The following TCF20 variants were observed in gnomAD, a reference collection of about 807,000 sequenced individuals.
TCF20 encodes the protein SPRE-binding protein.
Under a neutral mutation model 148.6 loss-of-function variants are expected in TCF20, and 3 were observed. The observed-to-expected ratio is 0.02, with a 90% confidence interval of 0.01 to 0.05. The LOEUF is 0.05. Among genes scored for constraint, TCF20 ranks in the 10% least tolerant of loss-of-function variants. The probability of loss-of-function intolerance (pLI) is 1.00; values close to 1 mark genes in which losing one functional copy is unlikely to be tolerated. For synonymous variants in TCF20, 1,049 were observed against 909.5 expected, an observed-to-expected ratio of 1.15 and a Z score of -2.76; for missense variants, 2,350 against 2,429.3, an observed-to-expected ratio of 0.97 and a Z score of 0.69.
chr22:42,257,498 C>T (rs115284250), intron 1 of TCF20, among the ~76,000 whole-genome samples: 146 of 152,190 alleles, frequency 9.6e-4, no homozygotes, highest in African/African-American at 3.3e-3. Context: ...CTCTAATATA[C>T]GGCTAGAGAT....
chr22:42,280,349 G>A (rs750049867), intron 1 of TCF20, among the ~76,000 whole-genome samples: 1 of 152,206 alleles, frequency 6.6e-6, no homozygotes, highest in Non-Finnish European at 1.5e-5. Flanking sequence ...GGGGCGTCCA[G>A]CCCCAGGCAG....
intron 1 of TCF20, among the ~76,000 whole-genome samples, chr22:42,252,726 A>G (rs149043621): frequency 0.017 from 2,600 of 152,326 alleles, 81 homozygotes; most frequent in African/African-American, 0.059. Flanking sequence ...TGTTGGGATT[A>G]CAGGTGTGAG....
chr22:42,330,905 G>A (rs1027335687), intron 1 of TCF20, among the ~76,000 whole-genome samples: 1 of 152,226 alleles, frequency 6.6e-6, no homozygotes, highest in Non-Finnish European at 1.5e-5. Context: ...CTGCTTCGCT[G>A]GTCTAAGGCT....
chr22:42,171,928 C>T (rs926216662), intron 3 of TCF20, among the ~76,000 whole-genome samples: 22 of 152,218 alleles, frequency 1.4e-4, no homozygotes, highest in African/African-American at 4.8e-4. Flanking sequence ...AGTTCCCTCA[C>T]GGCCACAGAA....
intron 1 of TCF20, among the ~76,000 whole-genome samples, chr22:42,303,633 C>A (rs906909926): frequency 5.3e-5 from 8 of 152,254 alleles, no homozygotes; most frequent in Non-Finnish European, 8.8e-5. Flanking sequence ...TGATGGCCAG[C>A]CAGGTGAAGG....
intron 1 of TCF20, among the ~76,000 whole-genome samples, chr22:42,220,195 G>A (rs1021587805): frequency 6.6e-6 from 1 of 151,546 alleles, no homozygotes; most frequent in Non-Finnish European, 1.5e-5. Flanking sequence ...TGGAAAGAGA[G>A]TCTCACTCTG....
At position 42,290,226 on chromosome 22, in the gene TCF20, T is replaced by G. The variant is rs1353151000; in HGVS notation, c.-37+53253A>C. ...CAGGGCCTGCCCCCTTCATCCTGTC[T>G]CTTCTCCCAGTCCTGACCCCCAGTA... On this transcript the variant is annotated intron_variant, in intron 1 of 1. Coordinates refer to the TCF20 transcript ENST00000515426. This position sits in a 1 kb window ranked among gnomAD's most constrained non-coding sequence, Gnocchi z 4.2. Among the ~76,000 whole-genome samples, 1 of 151,830 alleles carries G rather than the reference T, an allele frequency of 6.6e-6. No individual in the cohort carries two copies. The highest frequency in any genetic ancestry group is 1.5e-5 in the Non-Finnish European group (1 of 67,930).
rs1038742410 is a variant in TCF20, at chr22:42,196,477, A to T, written c.5655+13174T>A. Among the ~76,000 whole-genome samples the T allele has an allele frequency of 3.3e-5, 5 of 152,322 alleles. No individual in the cohort carries two copies. In the East Asian group the frequency reaches 9.7e-4, roughly 29 times the overall value. On this transcript the variant is annotated intron_variant, in intron 2 of 5. Transcript: ENST00000677622. Reference sequence around the variant, plus strand: ...CTTCAATAAAGAACCCTACCTAGAAACAAGCAAACAGAATAATTTGGGAAC... The same window carrying T: ...CTTCAATAAAGAACCCTACCTAGAATCAAGCAAACAGAATAATTTGGGAAC...
chr22:42,211,374 A>G lies in TCF20; in HGVS notation c.3932T>C (p.Ile1311Thr). ...GTCCTTGGAGGAATCTCTCTTAGGG[A>G]TAGACTTGATATCCTGACTGTGAGA... Reference protein sequence around the residue: ...HLSHSQDIKSIPKRDSSKDLP... With the variant: ...HLSHSQDIKSTPKRDSSKDLP... The change falls in exon 2 of 6, where the codon ATC (isoleucine) becomes ACC (threonine). Residue 1311 changes from isoleucine (I) to threonine (T), a missense_variant. Ile to Thr is a moderately conservative substitution (Grantham distance 89). Transcript: ENST00000677622. 1 of 1,614,146 alleles carries G rather than the reference A, an allele frequency of 6.2e-7. No homozygotes were observed. Among genetic ancestry groups the G allele is most frequent in the Non-Finnish European group, 8.5e-7 (1 of 1,180,010 alleles).
At chr22:42,187,328 TA>T (rs1748020974) in intron 2 of TCF20, among the ~76,000 whole-genome samples, 1 of 152,326 alleles carries the variant, frequency 6.6e-6, no homozygotes, top group Non-Finnish European at 1.5e-5. Flanking sequence ...TAATTTGAAA[TA>T]AAATTATATA....
In TCF20 at chr22:42,317,758, G is replaced by T. The variant is rs1266359211; in HGVS notation, c.-37+25721C>A. Among the ~76,000 whole-genome samples the T allele has an allele frequency of 6.6e-6, 1 of 152,172 alleles. No individual in the cohort carries two copies. The highest frequency in any genetic ancestry group is 1.5e-5 in the Non-Finnish European group (1 of 68,016). ...GAGGGTGGAAGAAGGGAGCCGAGGT[G>T]GGCACAGGGCGATCCCTCCCTCACA... On this transcript the variant is annotated intron_variant, in intron 1 of 1. Coordinates refer to the TCF20 transcript ENST00000515426. The surrounding 1 kb of genome is among the most constrained non-coding windows in gnomAD (Gnocchi z 4.2).
intron 1 of TCF20, among the ~76,000 whole-genome samples, chr22:42,216,858 C>T (rs964935237): frequency 1.3e-5 from 2 of 152,078 alleles, no homozygotes; most frequent in Non-Finnish European, 2.9e-5. Context: ...TGATTTTTTC[C>T]CCTTTCACCT....
chr22:42,314,326 G>T (rs1927591003), intron 1 of TCF20, among the ~76,000 whole-genome samples: 1 of 152,284 alleles, frequency 6.6e-6, no homozygotes, highest in Admixed American at 6.5e-5. Flanking sequence ...GCTTGACACG[G>T]ACCAGCTGCC....
At chr22:42,288,333 C>G (rs994676972), upstream of TCF20, among the ~76,000 whole-genome samples, 1 of 152,078 alleles carries the variant, frequency 6.6e-6, no homozygotes, top group Admixed American at 6.5e-5. Flanking sequence ...GTCAGGAAAT[C>G]GAGACCATCC....
intron 2 of TCF20, among the ~76,000 whole-genome samples, chr22:42,187,852 C>T (rs1029706760): frequency 1.3e-5 from 2 of 152,196 alleles, no homozygotes; most frequent in Non-Finnish European, 2.9e-5. Context: ...AGAATACACA[C>T]AGCTTTATAC....
At chr22:42,308,274 TGA>T (rs1927471063) in intron 1 of TCF20, among the ~76,000 whole-genome samples, 1 of 151,768 alleles carries the variant, frequency 6.6e-6, no homozygotes, top group African/African-American at 2.4e-5. Context: ...GTGAAGCAAG[TGA>T]GAGAGAGAGC....
intron 1 of TCF20, among the ~76,000 whole-genome samples, chr22:42,257,846 G>C (rs79829846): frequency 0.015 from 2,239 of 152,326 alleles, 24 homozygotes; most frequent in Non-Finnish European, 0.024. Flanking sequence ...CGGAAGAGAT[G>C]AGAGTGCCCC....
intron 1 of TCF20, among the ~76,000 whole-genome samples, chr22:42,328,855 G>A (rs969592227): frequency 3.9e-5 from 6 of 152,202 alleles, no homozygotes; most frequent in South Asian, 2.1e-4. Context: ...GGGCATCCCC[G>A]GTGAAAGTCA....
intron 2 of TCF20, among the ~76,000 whole-genome samples, chr22:42,190,607 C>T (rs1029256381): frequency 1.3e-5 from 2 of 152,228 alleles, no homozygotes; most frequent in Non-Finnish European, 2.9e-5. Context: ...AGGCTATGGG[C>T]AGCAGCACAG....
Sources: allele counts gnomAD v4.1 joint callset (sites outside exome capture counted in the v4.1 genomes callset), GRCh38; gene constraint gnomAD v4.1.1; non-coding constraint Gnocchi (gnomAD v3.1); transcripts MANE v1.5; gene names NCBI Gene and HGNC (gene_info 2026-07-23, HGNC 2026-07-21).